Variants in PARK7 observed in about 807,000 individuals in gnomAD.
PARK7 encodes the protein Parkinsonism associated deglycase.
Under a neutral mutation model 20.5 loss-of-function variants are expected in PARK7, and 14 were observed. The ratio of observed to expected loss-of-function variants is 0.68; its 90% CI spans 0.45 to 1.07. The LOEUF is 1.07. Among genes scored for constraint, PARK7 ranks in the 50% least tolerant of loss-of-function variants. PARK7 has a pLI of 0.00. For missense variants in PARK7, 234 were observed against 238.1 expected, an observed-to-expected ratio of 0.98 and a Z score of 0.11; for synonymous variants, 98 against 84.3, an observed-to-expected ratio of 1.16 and a Z score of -0.89.
chr1:7,974,900 A>T (rs1437271618), intron 5 of PARK7, among the ~76,000 whole-genome samples: 2 of 150,368 alleles, frequency 1.3e-5, no homozygotes, highest in East Asian at 3.9e-4. Context: ...TTGTTGCCCA[A>T]GCTGGAGTGC....
At chr1:7,965,260 A>G in intron 2 of PARK7, 64 bp from the exon 3 acceptor site, 1 of 1,349,896 alleles carries the variant, frequency 7.4e-7, no homozygotes, top group South Asian at 1.2e-5. Flanking sequence ...CTTTTTTTTT[A>G]AAGACAGTGT....
At chr1:7,969,484 C>A in intron 4 of PARK7, 80 bp downstream of exon 4, 5 of 990,236 alleles carry the variant, frequency 5.0e-6, no homozygotes, top group South Asian at 1.4e-5. Flanking sequence ...TGCTTATGTT[C>A]TGTTAATTTT....
At chr1:7,965,266 A>G in intron 2 of PARK7, 58 bp from the exon 3 acceptor site, 19 of 1,470,650 alleles carry the variant, frequency 1.3e-5, no homozygotes, top group East Asian at 2.3e-5. Context: ...TTTTAAAGAC[A>G]GTGTTACTCT....
At chr1:7,974,173 T>C (rs982081692) in intron 5 of PARK7, among the ~76,000 whole-genome samples, 2 of 131,472 alleles carry the variant, frequency 1.5e-5, no homozygotes, top group Non-Finnish European at 3.4e-5. Context: ...TTTTAAAAAA[T>C]CAGCCTGGTG....
intron 4 of PARK7, among the ~76,000 whole-genome samples, chr1:7,970,287 T>A (rs990557668): frequency 6.6e-6 from 1 of 152,178 alleles, no homozygotes; most frequent in Admixed American, 6.5e-5. Flanking sequence ...GTAAGATGAT[T>A]TGGTTTTTTT....
chr1:7,966,945 C>T (rs1640343224), intron 3 of PARK7, among the ~76,000 whole-genome samples: 1 of 152,240 alleles, frequency 6.6e-6, no homozygotes, highest in East Asian at 1.9e-4. Flanking sequence ...ATCCTCCTTG[C>T]TATTTGAAAC....
intron 5 of PARK7, among the ~76,000 whole-genome samples, chr1:7,976,110 T>C (rs1640579656): frequency 6.6e-6 from 1 of 152,208 alleles, no homozygotes; most frequent in Admixed American, 6.6e-5. Context: ...GGGTATATTA[T>C]ATAATTCCTT....
intron 5 of PARK7, among the ~76,000 whole-genome samples, chr1:7,977,360 A>C (rs1344636140): frequency 6.6e-6 from 1 of 152,234 alleles, no homozygotes; most frequent in Non-Finnish European, 1.5e-5. Flanking sequence ...TGTTATAAAC[A>C]TACTTTATCT....
chr1:7,970,074 A>T (rs2151431809), intron 4 of PARK7, among the ~76,000 whole-genome samples: 2 of 152,168 alleles, frequency 1.3e-5, no homozygotes, highest in East Asian at 3.9e-4. Flanking sequence ...GCACACTTGT[A>T]GTCCCAGCTA....
At chr1:7,979,304 C>G (rs1444348699) in intron 6 of PARK7, among the ~76,000 whole-genome samples, 1 of 152,162 alleles carries the variant, frequency 6.6e-6, no homozygotes, top group Admixed American at 6.5e-5. Context: ...GACCCACTCG[C>G]CACTCCCCAG....
chr1:7,976,223 A>C (rs1204508165), intron 5 of PARK7, among the ~76,000 whole-genome samples: 1 of 152,220 alleles, frequency 6.6e-6, no homozygotes, highest in Non-Finnish European at 1.5e-5. Context: ...TTAGCCATCC[A>C]GGGCACCTTA....
At chr1:7,967,886 C>T (rs1408141737) in intron 3 of PARK7, among the ~76,000 whole-genome samples, 2 of 152,202 alleles carry the variant, frequency 1.3e-5, no homozygotes, top group Non-Finnish European at 2.9e-5. Context: ...CATCACTGCA[C>T]TCTAGCCTGG....
intron 3 of PARK7, among the ~76,000 whole-genome samples, chr1:7,966,812 C>T (rs774422761): frequency 3.3e-5 from 5 of 152,126 alleles, no homozygotes; most frequent in Admixed American, 2.6e-4. Context: ...TTTCAATCGA[C>T]AGATAATAAG....
intron 2 of PARK7, 31 bp from the exon 3 acceptor site, chr1:7,965,293 G>A (rs199531466): frequency 3.2e-5 from 50 of 1,573,694 alleles, no homozygotes; most frequent in Non-Finnish European, 3.8e-5. Flanking sequence ...ATGTTTCAGT[G>A]TTCTTAAATA....
intron 6 of PARK7, among the ~76,000 whole-genome samples, chr1:7,982,074 A>G (rs2151439108): frequency 7.0e-6 from 1 of 143,352 alleles, no homozygotes; most frequent in East Asian, 2.2e-4. Context: ...TCCCGGGTTC[A>G]AGTGATTCTC....
At chr1:7,974,211 A>G (rs926595379) in intron 5 of PARK7, among the ~76,000 whole-genome samples, 1 of 150,832 alleles carries the variant, frequency 6.6e-6, no homozygotes, top group African/African-American at 2.4e-5. Flanking sequence ...AGTCCCAGCT[A>G]CTCAGGAGGC....
At chr1:7,974,143 C>CCCT (rs1015476543) in intron 5 of PARK7, among the ~76,000 whole-genome samples, 2 of 147,722 alleles carry the variant, frequency 1.4e-5, no homozygotes, top group Non-Finnish European at 3.0e-5. Flanking sequence ...GACCCCCCCA[C>CCCT]CGACCTCTAC....
At chr1:7,969,109 A>G (rs1640395626) in intron 3 of PARK7, 2 of 491,434 alleles carry the variant, frequency 4.1e-6, no homozygotes, top group South Asian at 2.6e-5. Context: ...TACCCCTGCT[A>G]CTCTGCAGCG....
chr1:7,977,718 A>C lies in PARK7; in HGVS notation c.389A>C (p.Lys130Thr), dbSNP rs552097955. Residue 130 changes from lysine to threonine, a missense_variant, in exon 6 of 7, where the codon AAA (lysine) becomes ACA (threonine). Transcript: ENST00000338639. ...GSKVTTHPLA[K>T]DKMMNGGHYT... Reference sequence around the variant, plus strand: ...AAAGTTACAACACACCCTCTTGCTAAAGACAAAATGATGAATGGAGGTAAG... The same window carrying C: ...AAAGTTACAACACACCCTCTTGCTACAGACAAAATGATGAATGGAGGTAAG... The C allele has an allele frequency of 6.2e-7, 1 of 1,614,078 alleles. No homozygotes were observed. Among genetic ancestry groups the C allele is most frequent in the East Asian group, 2.2e-5 (1 of 44,886 alleles).
Sources: allele counts gnomAD v4.1 joint callset (sites outside exome capture counted in the v4.1 genomes callset), GRCh38; gene constraint gnomAD v4.1.1; transcripts MANE v1.5; gene names NCBI Gene and HGNC (gene_info 2026-07-23, HGNC 2026-07-21).